The following PGCKA1 variants were observed in gnomAD, a reference collection of about 807,000 sequenced individuals.
The protein encoded by PGCKA1 is PDCD10 and GCKIII kinases associated 1.
the PGCKA1 span, among the ~76,000 whole-genome samples, chr4:37,495,953 T>C: frequency 6.6e-6 from 1 of 152,204 alleles, no homozygotes; most frequent in Non-Finnish European, 1.5e-5. Flanking sequence ...TCCTTATAGA[T>C]GCTGAATGTT....
At chr4:37,533,713 G>A in the PGCKA1 span, among the ~76,000 whole-genome samples, 1 of 152,038 alleles carries the variant, frequency 6.6e-6, no homozygotes, top group African/African-American at 2.4e-5. Flanking sequence ...GGGAGTTGGA[G>A]TGTCTAACTG....
chr4:37,467,054 T>C, the PGCKA1 span, among the ~76,000 whole-genome samples: 8 of 152,230 alleles, frequency 5.3e-5, no homozygotes, highest in African/African-American at 1.9e-4. Context: ...GCCAAGATCA[T>C]GCCATTGCAC....
chr4:37,568,343 G>T, the PGCKA1 span, among the ~76,000 whole-genome samples: 1 of 152,172 alleles, frequency 6.6e-6, no homozygotes, highest in Non-Finnish European at 1.5e-5. Flanking sequence ...GGAGGCCCAG[G>T]GTTGCCACCA....
the PGCKA1 span, among the ~76,000 whole-genome samples, chr4:37,463,993 G>A: frequency 6.9e-3 from 1,058 of 152,246 alleles, 17 homozygotes; most frequent in African/African-American, 0.025. Flanking sequence ...ACTAGGCGAG[G>A]CACAAGTACA....
the PGCKA1 span, among the ~76,000 whole-genome samples, chr4:37,561,484 T>C: frequency 6.6e-6 from 1 of 152,206 alleles, no homozygotes; most frequent in Non-Finnish European, 1.5e-5. Flanking sequence ...GGAAATAGTC[T>C]ATGACAAGGT....
At chr4:37,462,100 T>G in the PGCKA1 span, among the ~76,000 whole-genome samples, 2 of 150,664 alleles carry the variant, frequency 1.3e-5, no homozygotes, top group African/African-American at 5.0e-5. Context: ...ATTATAGCAG[T>G]TTTTCAGCTT....
the PGCKA1 span, among the ~76,000 whole-genome samples, chr4:37,517,813 A>G: frequency 1.3e-5 from 2 of 152,228 alleles, no homozygotes; most frequent in African/African-American, 2.4e-5. Context: ...ATTATTGACT[A>G]TAGTCACCCT....
chr4:37,575,359 C>A, the PGCKA1 span, among the ~76,000 whole-genome samples: 1 of 152,106 alleles, frequency 6.6e-6, no homozygotes, highest in South Asian at 2.1e-4. Context: ...TGATGTTGAG[C>A]ACCTTTTCCT....
chr4:37,488,553 C>T, the PGCKA1 span, among the ~76,000 whole-genome samples: 1 of 152,176 alleles, frequency 6.6e-6, no homozygotes, highest in Non-Finnish European at 1.5e-5. Context: ...AGAGTATAAC[C>T]TCTGCCTTAC....
the PGCKA1 span, among the ~76,000 whole-genome samples, chr4:37,485,096 T>C: frequency 2.6e-5 from 4 of 152,246 alleles, no homozygotes; most frequent in African/African-American, 9.6e-5. Flanking sequence ...ACTTCAGGTT[T>C]CCTATGTTTC....
chr4:37,557,841 C>T, the PGCKA1 span, among the ~76,000 whole-genome samples: 24 of 152,110 alleles, frequency 1.6e-4, no homozygotes, highest in Non-Finnish European at 2.9e-4. Flanking sequence ...GGCTGCAAAC[C>T]CCAGCCTGAT....
the PGCKA1 span, among the ~76,000 whole-genome samples, chr4:37,526,008 G>C: frequency 2.0e-5 from 3 of 151,928 alleles, no homozygotes; most frequent in African/African-American, 7.3e-5. Flanking sequence ...CTACCCCAAG[G>C]GTTTAATAAA....
At chr4:37,547,577 G>A in the PGCKA1 span, among the ~76,000 whole-genome samples, 1 of 152,176 alleles carries the variant, frequency 6.6e-6, no homozygotes, top group Non-Finnish European at 1.5e-5. Flanking sequence ...AGGTAGGTTG[G>A]CCACCAGAAG....
At chr4:37,552,689 T>A in the PGCKA1 span, among the ~76,000 whole-genome samples, 4 of 152,232 alleles carry the variant, frequency 2.6e-5, no homozygotes, top group Admixed American at 6.5e-5. Context: ...GGCTTTTTTT[T>A]ATCTCATCAT....
chr4:37,558,573 C>G, the PGCKA1 span, among the ~76,000 whole-genome samples: 3 of 151,900 alleles, frequency 2.0e-5, no homozygotes, highest in African/African-American at 7.3e-5. Flanking sequence ...GCAATGGCAA[C>G]AAAAGATGAA....
At chr4:37,475,228 A>G in the PGCKA1 span, among the ~76,000 whole-genome samples, 1 of 152,170 alleles carries the variant, frequency 6.6e-6, no homozygotes, top group Non-Finnish European at 1.5e-5. Flanking sequence ...AAAATTGAGA[A>G]ATCATCCTTC....
At chr4:37,492,709 C>A in the PGCKA1 span, among the ~76,000 whole-genome samples, 1 of 152,200 alleles carries the variant, frequency 6.6e-6, no homozygotes, top group Non-Finnish European at 1.5e-5. The surrounding 1 kb of genome is among the most constrained non-coding windows in gnomAD (Gnocchi z 4.7). Context: ...AAAGGATAAA[C>A]TTCCAGACTT....
the PGCKA1 span, among the ~76,000 whole-genome samples, chr4:37,546,791 G>T: frequency 6.6e-6 from 1 of 152,208 alleles, no homozygotes; most frequent in African/African-American, 2.4e-5. Context: ...TGAGTGACGC[G>T]ATCCAAAGAC....
At chr4:37,489,859 G>C in the PGCKA1 span, among the ~76,000 whole-genome samples, 4 of 152,094 alleles carry the variant, frequency 2.6e-5, no homozygotes, top group Non-Finnish European at 4.4e-5. Context: ...CAAAATGTTA[G>C]TGCAAATGAA....
Sources: allele counts gnomAD v4.1 joint callset (sites outside exome capture counted in the v4.1 genomes callset), GRCh38; gene constraint gnomAD v4.1.1; non-coding constraint Gnocchi (gnomAD v3.1); transcripts MANE v1.5; gene names NCBI Gene and HGNC (gene_info 2026-07-23, HGNC 2026-07-21).